Variants in VWC2 observed in about 807,000 individuals in gnomAD.
VWC2 encodes brorin.
A neutral mutation model predicts 29.8 loss-of-function variants in VWC2; 14 were observed. The ratio of observed to expected loss-of-function variants is 0.47; its 90% CI spans 0.31 to 0.74. VWC2 has a LOEUF of 0.74. Ranked by LOEUF, VWC2 falls within the 30% of genes least tolerant of loss-of-function variation. The pLI is 0.05. For missense variants in VWC2, 457 were observed against 459.8 expected, an observed-to-expected ratio of 0.99 and a Z score of 0.05; for synonymous variants, 213 against 199.0, an observed-to-expected ratio of 1.07 and a Z score of -0.59.
intron 3 of VWC2, among the ~76,000 whole-genome samples, chr7:49,852,953 C>G (rs1282930655): frequency 6.6e-6 from 1 of 152,198 alleles, no homozygotes; most frequent in East Asian, 1.9e-4. Context: ...GGCCTCCAAA[C>G]AAATCCAGTC....
intron 3 of VWC2, among the ~76,000 whole-genome samples, chr7:49,841,892 G>A (rs943602821): frequency 3.3e-5 from 5 of 151,766 alleles, no homozygotes; most frequent in Non-Finnish European, 7.4e-5. Flanking sequence ...TTAAGATGGA[G>A]TTTTGCTCTT....
Position 49,911,878 on chromosome 7 carries a change from T to C in VWC2, c.827-156T>C, listed in dbSNP as rs142147376. ...TGCCACTGCACTCCAGCCTGGGTGA[T>C]AGAGCAAGACTCTGTCTCAAAAACA... On this transcript the variant is annotated intron_variant, in intron 3 of 3. Transcript: ENST00000340652. Among the ~76,000 whole-genome samples the C allele has an allele frequency of 7.7e-3, 1,143 of 148,592 alleles. 25 individuals are homozygous for C. Among genetic ancestry groups the C allele is most frequent in the African/African-American group, 0.027 (1,083 of 40,062 alleles).
In VWC2 at chr7:49,919,154, C is replaced by T. The variant is rs549344661; in HGVS notation, c.*6969C>T. On this transcript the variant is annotated 3_prime_UTR_variant, in exon 4 of 4. Transcript: ENST00000340652. ...GTCAGGACTGGAATGGATAGCTCTACCTGCTTCCAAATATTCTTCCCTGGG... is the reference window on the plus strand; with the variant it reads ...GTCAGGACTGGAATGGATAGCTCTATCTGCTTCCAAATATTCTTCCCTGGG... The T allele has an allele frequency of 1.3e-5, 2 of 152,116 alleles. No individual in the cohort carries two copies. The highest frequency in any genetic ancestry group is 6.5e-5 in the Admixed American group (1 of 15,296). 9.4% of individuals were successfully genotyped at this position (152,116 alleles called of 1,614,324 possible). A position where few individuals can be genotyped will look rare whatever the true frequency, so the allele number is the denominator to read the frequency against.
chr7:49,792,373 G>T (rs1007799631), intron 2 of VWC2, among the ~76,000 whole-genome samples: 13 of 152,182 alleles, frequency 8.5e-5, no homozygotes, highest in African/African-American at 3.1e-4. Flanking sequence ...GGGCAGAATT[G>T]GGCTTGATTA....
At chr7:49,824,517 T>C (rs907496275) in intron 3 of VWC2, among the ~76,000 whole-genome samples, 4 of 152,210 alleles carry the variant, frequency 2.6e-5, no homozygotes, top group African/African-American at 9.6e-5. Context: ...GTGTCCAACT[T>C]TATTTTTTAA....
chr7:49,869,551 A>G (rs1791049314), intron 3 of VWC2, among the ~76,000 whole-genome samples: 1 of 152,220 alleles, frequency 6.6e-6, no homozygotes, highest in Non-Finnish European at 1.5e-5. Context: ...ATATTTTTAT[A>G]CTGATCCTTT....
chr7:49,792,563 C>T (rs1018758146), intron 2 of VWC2, among the ~76,000 whole-genome samples: 1 of 152,192 alleles, frequency 6.6e-6, no homozygotes, highest in African/African-American at 2.4e-5. Context: ...GGGGATGGCG[C>T]AGTCCAGTTC....
At chr7:49,857,595 T>A (rs1790477403) in intron 3 of VWC2, among the ~76,000 whole-genome samples, 1 of 151,984 alleles carries the variant, frequency 6.6e-6, no homozygotes, top group Non-Finnish European at 1.5e-5. Flanking sequence ...AAAACCTCCG[T>A]GAGACATTAC....
At chr7:49,897,735 G>A (rs1274595593) in intron 3 of VWC2, among the ~76,000 whole-genome samples, 1 of 152,198 alleles carries the variant, frequency 6.6e-6, no homozygotes, top group African/African-American at 2.4e-5. Context: ...AATGTAAACT[G>A]TAATTGAGGA....
chr7:49,833,676 G>A (rs1344361586), intron 3 of VWC2, among the ~76,000 whole-genome samples: 1 of 152,170 alleles, frequency 6.6e-6, no homozygotes, highest in Non-Finnish European at 1.5e-5. Flanking sequence ...TCATCTGAGA[G>A]TGATATTTTT....
At chr7:49,879,133 T>G (rs966672597) in intron 3 of VWC2, among the ~76,000 whole-genome samples, 1 of 152,184 alleles carries the variant, frequency 6.6e-6, no homozygotes, top group Non-Finnish European at 1.5e-5. Flanking sequence ...ACTGCCTTCT[T>G]AATGTCAACG....
intron 3 of VWC2, among the ~76,000 whole-genome samples, chr7:49,818,276 G>A (rs1178151930): frequency 6.6e-6 from 1 of 152,160 alleles, no homozygotes; most frequent in Non-Finnish European, 1.5e-5. Flanking sequence ...ATTATTTGAA[G>A]AGCCCTTCAA....
chr7:49,875,079 T>C (rs1477994518), intron 3 of VWC2, among the ~76,000 whole-genome samples: 2 of 151,294 alleles, frequency 1.3e-5, no homozygotes, highest in African/African-American at 4.9e-5. Context: ...ACATAAATAA[T>C]AGTAAAAATT....
chr7:49,845,806 C>T (rs1789928560), intron 3 of VWC2, among the ~76,000 whole-genome samples: 1 of 152,130 alleles, frequency 6.6e-6, no homozygotes, highest in South Asian at 2.1e-4. Flanking sequence ...AGATATAGAA[C>T]CTTGTGATGT....
intron 3 of VWC2, among the ~76,000 whole-genome samples, chr7:49,870,691 C>G (rs1791112920): frequency 1.3e-5 from 2 of 152,176 alleles, no homozygotes; most frequent in Admixed American, 1.3e-4. Context: ...AGTTGGGAAA[C>G]CATGACGTTA....
intron 2 of VWC2, among the ~76,000 whole-genome samples, chr7:49,783,029 C>T (rs934206687): frequency 6.6e-6 from 1 of 152,016 alleles, no homozygotes; most frequent in Non-Finnish European, 1.5e-5. Flanking sequence ...GGTAGCCACG[C>T]CCTGGTCCAG....
intron 3 of VWC2, among the ~76,000 whole-genome samples, chr7:49,889,579 G>A (rs749709807): frequency 1.8e-4 from 27 of 152,250 alleles, no homozygotes; most frequent in East Asian, 7.7e-4. Flanking sequence ...AAAGAGGAGC[G>A]GCTACAGGGT....
At chr7:49,892,735 G>A (rs1471223964) in intron 3 of VWC2, among the ~76,000 whole-genome samples, 1 of 152,200 alleles carries the variant, frequency 6.6e-6, no homozygotes, top group African/African-American at 2.4e-5. Context: ...TGTGTGCAAA[G>A]GAGACAGTGA....
chr7:49,821,614 A>G (rs1789263083), intron 3 of VWC2, among the ~76,000 whole-genome samples: 2 of 152,194 alleles, frequency 1.3e-5, no homozygotes, highest in African/African-American at 4.8e-5. Context: ...GTAGAAAAAC[A>G]ATTCCGTAAT....
Sources: allele counts gnomAD v4.1 joint callset (sites outside exome capture counted in the v4.1 genomes callset), GRCh38; gene constraint gnomAD v4.1.1; transcripts MANE v1.5; gene names NCBI Gene and HGNC (gene_info 2026-07-23, HGNC 2026-07-21).